ERFL: variants seen among roughly 807,000 people sequenced by gnomAD.
ERFL encodes ETS repressor factor like.
ERFL carries 8 observed loss-of-function variants against 27.9 expected under a neutral mutation model. The ratio of observed to expected loss-of-function variants is 0.29; its 90% CI spans 0.17 to 0.52. ERFL has a LOEUF of 0.52. Among genes scored for constraint, ERFL ranks in the 20% least tolerant of loss-of-function variants. ERFL has a pLI of 0.97. For synonymous variants in ERFL, 174 were observed against 202.8 expected (o/e 0.86, Z 1.21); for missense variants, 294 against 444.4 (o/e 0.66, Z 3.04).
chr19:41,915,729 G>A (rs80274573), intron 1 of ERFL, among the ~76,000 whole-genome samples: 4,098 of 152,132 alleles, frequency 0.027, 188 homozygotes, highest in African/African-American at 0.093. Context: ...TTCTGTCCCG[G>A]TGTCCGTCTC....
rs2074840740 is a variant in ERFL, at chr19:41,921,269, G to A, written c.-14+6771C>T. 6.6e-6 allele frequency among the ~76,000 whole-genome samples: 1 copy of A among 152,166 alleles called. No homozygotes were observed. The highest frequency in any genetic ancestry group is 1.5e-5 in the Non-Finnish European group (1 of 68,014). On this transcript the variant is annotated intron_variant, in intron 1 of 5. Transcript: ENST00000597630. This position sits in a 1 kb window ranked among gnomAD's most constrained non-coding sequence, Gnocchi z 4.4. Reference sequence around the variant, plus strand: ...AGGTTGGGGTGGGGGGCACAGAGAAGGGGAGACATGCAGGGAGGAAGAGAG... The same window carrying A: ...AGGTTGGGGTGGGGGGCACAGAGAAAGGGAGACATGCAGGGAGGAAGAGAG...
chr19:41,920,567 C>T (rs1044487510), intron 1 of ERFL, among the ~76,000 whole-genome samples: 2 of 152,136 alleles, frequency 1.3e-5, no homozygotes, highest in Admixed American at 6.5e-5. Flanking sequence ...ATGTTACGCA[C>T]TCACAGACGT....
rs1443093798 is a variant in ERFL, at chr19:41,907,812, G to A, written c.*416C>T. The A allele has an allele frequency of 2.1e-5, 4 of 193,478 alleles. No individual in the cohort carries two copies. Among genetic ancestry groups the A allele is most frequent in the Non-Finnish European group, 4.2e-5 (4 of 96,276 alleles). The allele number at this position is 193,478 out of a possible 1,614,324, so 12.0% of individuals were successfully genotyped here. A position where few individuals can be genotyped will look rare whatever the true frequency, so the allele number is the denominator to read the frequency against. On this transcript the variant is annotated 3_prime_UTR_variant, in exon 6 of 6. Coordinates refer to ENST00000597630, the MANE Select transcript of ERFL (RefSeq NM_001365103.2). The stretch of plus-strand genomic sequence containing the variant: ...CCCTCCTGGGTGGGGGCTGGGGGCG[G>A]GGTTATTGCTCTGAGCTCCCTGTCC...
rs1412300560 is a variant in ERFL at position 41,916,338 on chromosome 19, C to T, written c.-13-3406G>A. On this transcript the variant is annotated intron_variant, in intron 1 of 5. Coordinates refer to ENST00000597630, the MANE Select transcript of ERFL (RefSeq NM_001365103.2). This position sits in a 1 kb window ranked among gnomAD's most constrained non-coding sequence, Gnocchi z 5.4. ...CACATCACACACACCAACAAAGCAA[C>T]GCATACCACTGCTGCCACACACAAC... 2.6e-5 allele frequency among the ~76,000 whole-genome samples: 4 copies of T among 152,038 alleles called. No homozygotes were observed. Among genetic ancestry groups the T allele is most frequent in the Non-Finnish European group, 5.9e-5 (4 of 68,008 alleles).
In ERFL at chr19:41,914,555, CTT is replaced by C. The variant is rs1568831481; in HGVS notation, c.-13-1625_-13-1624del. On this transcript the variant is annotated intron_variant, in intron 1 of 5. Transcript: ENST00000597630. ...TCTCTGCTATCCGTCTTTCCCTCCC[CTT>C]CCACCATCTCTGTCTCCGTCTCTCC... Among the ~76,000 whole-genome samples the C allele has an allele frequency of 3.6e-4, 36 of 100,870 alleles. 2 individuals are homozygous for C. Among genetic ancestry groups the C allele is most frequent in the Middle Eastern group, 4.6e-3 (1 of 218 alleles). 66.2% of individuals were successfully genotyped at this position (100,870 alleles called of 152,430 possible).
At chr19:41,911,648 C>A (rs1186819696) in intron 2 of ERFL, among the ~76,000 whole-genome samples, 1 of 152,118 alleles carries the variant, frequency 6.6e-6, no homozygotes, top group Non-Finnish European at 1.5e-5. Context: ...TTCTCACCTC[C>A]CATGACAGGG....
Position 41,909,767 on chromosome 19 carries a change from A to G in ERFL, c.302+96T>C. ...CACGCACAGCCCTGTGCCTTGTGGG[A>G]TCCAGCAGGAACCTGCCCCAGGATG... On this transcript the variant is annotated intron_variant, in intron 3 of 5. Coordinates refer to ENST00000597630, the MANE Select transcript of ERFL (RefSeq NM_001365103.2). The surrounding 1 kb of genome is among the most constrained non-coding windows in gnomAD (Gnocchi z 5.2). The G allele has an allele frequency of 7.4e-7, 1 of 1,352,600 alleles. No individual in the cohort carries two copies. Among genetic ancestry groups the G allele is most frequent in the Non-Finnish European group, 1.0e-6 (1 of 1,002,118 alleles). The allele number at this position is 1,352,600 out of a possible 1,614,324, so 83.8% of individuals were successfully genotyped here.
chr19:41,917,737 G>A lies in ERFL; in HGVS notation c.-13-4805C>T, dbSNP rs75662567. On this transcript the variant is annotated intron_variant, in intron 1 of 5. Transcript: ENST00000597630. This position sits in a 1 kb window ranked among gnomAD's most constrained non-coding sequence, Gnocchi z 4.8. Reference sequence around the variant, plus strand: ...GGACATATCTCTCCTTACGCCACACGCCCATGTAGGACACATCTGTGCACA... The same window carrying A: ...GGACATATCTCTCCTTACGCCACACACCCATGTAGGACACATCTGTGCACA... Among the ~76,000 whole-genome samples, 4,077 of 151,562 alleles carry A rather than the reference G, an allele frequency of 0.027. 184 individuals carry two copies. Among genetic ancestry groups the A allele is most frequent in the African/African-American group, 0.093 (3,825 of 41,146 alleles).
chr19:41,922,958 A>G, intron 1 of ERFL: 1 of 361,580 alleles, frequency 2.8e-6, no homozygotes. Context: ...TCCACCCTGC[A>G]CACACTCACT....
intron 1 of ERFL, among the ~76,000 whole-genome samples, 152 bp from the exon 2 acceptor site, chr19:41,913,084 C>A (rs2074763540): frequency 6.6e-6 from 1 of 152,018 alleles, no homozygotes; most frequent in Non-Finnish European, 1.5e-5. Flanking sequence ...CCCACTCCCT[C>A]CCGCAGGCAC....
chr19:41,916,677 C>T lies in ERFL; in HGVS notation c.-13-3745G>A, dbSNP rs779794565. Reference sequence around the variant, plus strand: ...ACACAGTCACACAACCAAGCACCACCGACCCTCGAGCGCATACATATGCAC... The same window carrying T: ...ACACAGTCACACAACCAAGCACCACTGACCCTCGAGCGCATACATATGCAC... On this transcript the variant is annotated intron_variant, in intron 1 of 5. Coordinates refer to ENST00000597630, the MANE Select transcript of ERFL (RefSeq NM_001365103.2). The surrounding 1 kb of genome is among the most constrained non-coding windows in gnomAD (Gnocchi z 5.4). 1.9e-4 allele frequency among the ~76,000 whole-genome samples: 29 copies of T among 151,972 alleles called. No individual in the cohort carries two copies. Among genetic ancestry groups the T allele is most frequent in the Non-Finnish European group, 2.9e-4 (20 of 67,982 alleles).
intron 1 of ERFL, among the ~76,000 whole-genome samples, chr19:41,913,309 C>G (rs1030904863): frequency 2.0e-5 from 3 of 150,826 alleles, no homozygotes; most frequent in Non-Finnish European, 3.0e-5. Flanking sequence ...TCTCTGCTGC[C>G]GTCTCCCGTC....
rs572305915 is a variant in ERFL, at chr19:41,910,298, C to T, written c.68-201G>A. 9.9e-5 allele frequency among the ~76,000 whole-genome samples: 15 copies of T among 152,250 alleles called. No individual in the cohort carries two copies. The highest frequency in any genetic ancestry group is 2.9e-4 in the African/African-American group (12 of 41,552). On this transcript the variant is annotated intron_variant, in intron 2 of 5. Coordinates refer to ENST00000597630, the MANE Select transcript of ERFL (RefSeq NM_001365103.2). The surrounding 1 kb of genome is among the most constrained non-coding windows in gnomAD (Gnocchi z 4.4). ...CAAATAAGGGCAAGAACCCAGTCAT[C>T]CAGGGACCCTGGGTTGGTACCAGTC...
At chr19:41,915,210 C>T (rs551341863) in intron 1 of ERFL, among the ~76,000 whole-genome samples, 1 of 147,818 alleles carries the variant, frequency 6.8e-6, no homozygotes, top group African/African-American at 2.5e-5. Context: ...TCCCCGCCGC[C>T]TCCTCCGGAC....
chr19:41,908,792 C>A lies in ERFL; in HGVS notation c.617-116G>T, dbSNP rs1432519790. The A allele has an allele frequency of 6.4e-5, 34 of 528,652 alleles. No individual in the cohort carries two copies. In the East Asian group the frequency reaches 1.2e-3, roughly 18 times the overall value. The allele number at this position is 528,652 out of a possible 1,614,324, so 32.7% of individuals were successfully genotyped here. ...TCCCCGCATCCCTCCTACATGGCAT[C>A]TTACCCCCTCATACAGCTTCCCCCA... On this transcript the variant is annotated intron_variant, in intron 5 of 5. Coordinates refer to ENST00000597630, the MANE Select transcript of ERFL (RefSeq NM_001365103.2). The surrounding 1 kb of genome is among the most constrained non-coding windows in gnomAD (Gnocchi z 6.7).
intron 1 of ERFL, among the ~76,000 whole-genome samples, chr19:41,927,476 T>C (rs942639417): frequency 1.3e-5 from 2 of 151,846 alleles, no homozygotes; most frequent in Admixed American, 6.6e-5. Flanking sequence ...AAGTCCAAAC[T>C]CCTATGCTGA....
intron 1 of ERFL, among the ~76,000 whole-genome samples, chr19:41,913,977 C>G (rs1356650804): frequency 6.6e-6 from 1 of 151,332 alleles, no homozygotes; most frequent in African/African-American, 2.4e-5. Context: ...AAACCCACTC[C>G]TCTTAGACAC....
rs1325545375 is a variant in ERFL at position 41,927,952 on chromosome 19, T to TCCCGGGACCACC, written c.-14+76_-14+87dup. ...GCTCGGAGGCCCAGCTTCTCAGGCCTCCCGGGACCACCCCCGCGCCCGCCC... is the reference window on the plus strand; with the variant it reads ...GCTCGGAGGCCCAGCTTCTCAGGCCTCCCGGGACCACCCCCGGGACCACCCCCGCGCCCGCCC... On this transcript the variant is annotated intron_variant, in intron 1 of 5. Coordinates refer to ENST00000597630, the MANE Select transcript of ERFL (RefSeq NM_001365103.2). The TCCCGGGACCACC allele has an allele frequency of 2.6e-5, 4 of 151,818 alleles. No homozygotes were observed. The East Asian group carries it at 5.8e-4, about 22-fold the overall frequency. The allele number at this position is 151,818 out of a possible 1,614,324, so 9.4% of individuals were successfully genotyped here. A position where few individuals can be genotyped will look rare whatever the true frequency, so the allele number is the denominator to read the frequency against.
Position 41,917,893 on chromosome 19 carries a change from G to T in ERFL, c.-13-4961C>A, listed in dbSNP as rs974793371. ...GCCCCCAACACCCTGTCCCATCTGG[G>T]TGCACGAAGCCAGCTCCCCGCGGTC... On this transcript the variant is annotated intron_variant, in intron 1 of 5. Coordinates refer to ENST00000597630, the MANE Select transcript of ERFL (RefSeq NM_001365103.2). The surrounding 1 kb of genome is among the most constrained non-coding windows in gnomAD (Gnocchi z 4.8). Among the ~76,000 whole-genome samples the T allele has an allele frequency of 8.6e-5, 13 of 151,966 alleles. No homozygotes were observed. Among genetic ancestry groups the T allele is most frequent in the African/African-American group, 3.1e-4 (13 of 41,298 alleles).
Sources: gnomAD v4.1 joint callset for allele counts (sites outside exome capture counted in the v4.1 genomes callset) on GRCh38, gnomAD v4.1.1 for gene constraint, Gnocchi (gnomAD v3.1) non-coding constraint, MANE v1.5 for transcripts, NCBI Gene and HGNC (gene_info 2026-07-23, HGNC 2026-07-21) for gene names.